RPH3AL: variants seen among roughly 807,000 people sequenced by gnomAD.
The protein encoded by RPH3AL is rabphilin 3A like (without C2 domains), also known as rab effector Noc2.
RPH3AL carries 38 observed loss-of-function variants against 43.1 expected under a neutral mutation model. The ratio of observed to expected loss-of-function variants is 0.88; its 90% CI spans 0.68 to 1.15. The LOEUF (loss-of-function observed/expected upper bound fraction) is 1.15. Among genes scored for constraint, RPH3AL ranks in the 50% most tolerant of loss-of-function variants. The probability of loss-of-function intolerance (pLI) is 0.00; values close to 1 mark genes in which losing one functional copy is unlikely to be tolerated. For synonymous variants in RPH3AL, 189 were observed against 176.3 expected, an observed-to-expected ratio of 1.07 and a Z score of -0.57; for missense variants, 462 against 423.2, an observed-to-expected ratio of 1.09 and a Z score of -0.81.
intron 6 of RPH3AL, among the ~76,000 whole-genome samples, chr17:258,696 A>G (rs1419198661): frequency 6.6e-6 from 1 of 151,512 alleles, no homozygotes; most frequent in Non-Finnish European, 1.5e-5. Flanking sequence ...TGAAGAGCAC[A>G]GGACCCAAAG....
At chr17:313,172 C>T (rs1405649090) in intron 5 of RPH3AL, among the ~76,000 whole-genome samples, 8 of 152,204 alleles carry the variant, frequency 5.3e-5, no homozygotes, top group Admixed American at 1.3e-4. Flanking sequence ...AAGAGGCTGA[C>T]GCTCTGTCTC....
chr17:223,439 G>A (rs9890183), intron 7 of RPH3AL, among the ~76,000 whole-genome samples: 72,650 of 151,958 alleles, frequency 0.48, 17,649 homozygotes, highest in East Asian at 0.55. Context: ...TGGTGGTTAC[G>A]GAGGAAGGTT....
intron 1 of RPH3AL, among the ~76,000 whole-genome samples, chr17:349,637 T>C (rs2045315389): frequency 6.9e-6 from 1 of 145,148 alleles, no homozygotes; most frequent in Non-Finnish European, 1.5e-5. Flanking sequence ...ACCTGGGCAA[T>C]GTAGCAAGAC....
intron 4 of RPH3AL, 116 bp downstream of exon 4, chr17:321,156 C>A: frequency 7.7e-7 from 1 of 1,305,344 alleles, no homozygotes; most frequent in East Asian, 2.4e-5. Context: ...ACCTCCTCAC[C>A]CACTCCCAGA....
Position 215,052 on chromosome 17 carries a change from C to T in RPH3AL, c.876+602G>A, listed in dbSNP as rs1418829790. On this transcript the variant is annotated intron_variant, in intron 9 of 9. Transcript: ENST00000331302. This position sits in a 1 kb window ranked among gnomAD's most constrained non-coding sequence, Gnocchi z 4.1. Reference sequence around the variant, plus strand: ...CCGGGTGCCCTCCACACCCCGGGGACGGAGATCAGCTGCTGCCCTGGTGCA... The same window carrying T: ...CCGGGTGCCCTCCACACCCCGGGGATGGAGATCAGCTGCTGCCCTGGTGCA... Among the ~76,000 whole-genome samples the T allele has an allele frequency of 6.6e-6, 1 of 152,136 alleles. No homozygotes were observed. The highest frequency in any genetic ancestry group is 2.1e-4 in the South Asian group (1 of 4,830).
chr17:342,490 A>G (rs1041524396), intron 1 of RPH3AL, among the ~76,000 whole-genome samples: 17 of 152,236 alleles, frequency 1.1e-4, no homozygotes, highest in African/African-American at 3.6e-4. Flanking sequence ...CAAACAAAAT[A>G]TGGTGTATCC....
At chr17:233,378 A>G (rs1040383765) in intron 7 of RPH3AL, among the ~76,000 whole-genome samples, 1 of 152,126 alleles carries the variant, frequency 6.6e-6, no homozygotes, top group Non-Finnish European at 1.5e-5. Flanking sequence ...CTAGAGAGGA[A>G]AAATGACTTC....
At chr17:230,834 C>T (rs577557201) in intron 7 of RPH3AL, among the ~76,000 whole-genome samples, 1 of 152,170 alleles carries the variant, frequency 6.6e-6, no homozygotes, top group South Asian at 2.1e-4. Context: ...TTTGTGCCTC[C>T]CTTGTTTTTT....
At chr17:278,314 C>A (rs1037198571) in intron 6 of RPH3AL, among the ~76,000 whole-genome samples, 1 of 152,182 alleles carries the variant, frequency 6.6e-6, no homozygotes, top group African/African-American at 2.4e-5. Context: ...TGAGGCCTCC[C>A]CAGCCATGTG....
intron 1 of RPH3AL, among the ~76,000 whole-genome samples, chr17:350,388 G>A (rs1448025737): frequency 6.6e-6 from 1 of 152,150 alleles, no homozygotes; most frequent in South Asian, 2.1e-4. Flanking sequence ...GAGGTGGGCA[G>A]ATCATGAGGT....
chr17:316,948 CTGTAG>C (rs1237832278), intron 5 of RPH3AL, among the ~76,000 whole-genome samples: 1 of 149,514 alleles, frequency 6.7e-6, no homozygotes, highest in Non-Finnish European at 1.5e-5. Flanking sequence ...CTCCATTGAC[CTGTAG>C]TCTCTCTACA....
At chr17:276,482 C>T (rs895262226) in intron 6 of RPH3AL, among the ~76,000 whole-genome samples, 32 of 152,222 alleles carry the variant, frequency 2.1e-4, no homozygotes, top group Non-Finnish European at 3.4e-4. Context: ...ACCTCCACCC[C>T]CCGGGCAGAA....
intron 5 of RPH3AL, among the ~76,000 whole-genome samples, chr17:294,171 AGTGTGAG>A (rs1435682188): frequency 3.3e-5 from 5 of 152,162 alleles, no homozygotes; most frequent in South Asian, 2.1e-4. Context: ...GTACGAGCCC[AGTGTGAG>A]GTGTGAGGTG....
chr17:236,894 T>TG (rs2041409331), intron 7 of RPH3AL, among the ~76,000 whole-genome samples: 1 of 152,270 alleles, frequency 6.6e-6, no homozygotes, highest in Non-Finnish European at 1.5e-5. Context: ...GCCGGGATCC[T>TG]GGGCCCTCTT....
intron 5 of RPH3AL, among the ~76,000 whole-genome samples, chr17:284,463 G>T (rs2042857878): frequency 6.6e-6 from 1 of 152,134 alleles, no homozygotes; most frequent in Non-Finnish European, 1.5e-5. Context: ...TCAAAACAAT[G>T]GGCAGAGAAG....
At chr17:249,172 G>T (rs1479347177) in intron 6 of RPH3AL, among the ~76,000 whole-genome samples, 5 of 152,074 alleles carry the variant, frequency 3.3e-5, no homozygotes, top group African/African-American at 1.2e-4. Context: ...TAAATTCAGG[G>T]TATTTAGTCA....
At chr17:276,531 G>A (rs1293256747) in intron 6 of RPH3AL, among the ~76,000 whole-genome samples, 1 of 152,196 alleles carries the variant, frequency 6.6e-6, no homozygotes, top group Non-Finnish European at 1.5e-5. Flanking sequence ...AGCTGGGACT[G>A]CAGGCGCTCA....
chr17:253,322 G>A (rs1305566223), intron 6 of RPH3AL, among the ~76,000 whole-genome samples: 1 of 152,128 alleles, frequency 6.6e-6, no homozygotes, highest in Non-Finnish European at 1.5e-5. Flanking sequence ...ATGTGGCCAA[G>A]CCATCTCTGT....
chr17:293,241 C>T (rs1239840531), intron 5 of RPH3AL, among the ~76,000 whole-genome samples: 2 of 152,170 alleles, frequency 1.3e-5, no homozygotes, highest in East Asian at 3.9e-4. Flanking sequence ...CACCAAACAC[C>T]TCCTCCCTCC....
Sources: gnomAD v4.1 joint callset for allele counts (sites outside exome capture counted in the v4.1 genomes callset) on GRCh38, gnomAD v4.1.1 for gene constraint, Gnocchi (gnomAD v3.1) non-coding constraint, MANE v1.5 for transcripts, NCBI Gene and HGNC (gene_info 2026-07-23, HGNC 2026-07-21) for gene names.